Variants in LTBP1 observed in about 807,000 individuals in gnomAD.
LTBP1 encodes latent transforming growth factor beta binding protein 1, also known as latent-transforming growth factor beta-binding protein 1.
Under a neutral mutation model 207.6 loss-of-function variants are expected in LTBP1, and 129 were observed. That is an observed-to-expected ratio of 0.62 (90% confidence interval 0.54 to 0.72). LTBP1 has a LOEUF of 0.72. Ranked by LOEUF, LTBP1 falls within the 30% of genes least tolerant of loss-of-function variation. The pLI is 0.00. For missense variants in LTBP1, 2,281 were observed against 2,217.2 expected (o/e 1.03, Z -0.58); for synonymous variants, 963 against 833.7 (o/e 1.16, Z -2.67).
At position 33,271,950 on chromosome 2, in the gene LTBP1, A is replaced by G. The variant is rs17012719; in HGVS notation, c.2618-1706A>G. 7.2e-3 allele frequency among the ~76,000 whole-genome samples: 1,093 copies of G among 152,296 alleles called. 9 individuals carry two copies. Among genetic ancestry groups the G allele is most frequent in the African/African-American group, 0.023 (967 of 41,562 alleles). On this transcript the variant is annotated intron_variant, in intron 15 of 33. Coordinates refer to ENST00000404816, the MANE Select transcript of LTBP1 (RefSeq NM_206943.4). The stretch of plus-strand genomic sequence containing the variant: ...TTTCCTATAATTTGATAATATTTTC[A>G]CTATAAACAAATGTATCTTCCTGAA...
intron 2 of LTBP1, among the ~76,000 whole-genome samples, chr2:33,010,322 A>G (rs895119870): frequency 6.6e-6 from 1 of 152,240 alleles, no homozygotes; most frequent in South Asian, 2.1e-4. Context: ...AGCATTATCC[A>G]GTGTCATTAA....
chr2:33,165,233 G>GA lies in LTBP1; in HGVS notation c.1202-21622dup, dbSNP rs1327464633. ...ATTGGAGGGATTATGAAAAGAGGGA[G>GA]AGGGACTATTGAGAAGGCTCTGCTG... On this transcript the variant is annotated intron_variant, in intron 5 of 33. Transcript: ENST00000404816. 3.3e-5 allele frequency among the ~76,000 whole-genome samples: 5 copies of GA among 152,182 alleles called. No homozygotes were observed. In the East Asian group the frequency reaches 9.6e-4, roughly 29 times the overall value.
At chr2:33,243,123 CA>C (rs2092392710) in intron 9 of LTBP1, among the ~76,000 whole-genome samples, 1 of 152,194 alleles carries the variant, frequency 6.6e-6, no homozygotes, top group African/African-American at 2.4e-5. Flanking sequence ...CAGACATCAG[CA>C]CTCTAAAGCC....
chr2:33,334,914 A>T (rs6761793), intron 24 of LTBP1, among the ~76,000 whole-genome samples: 12,332 of 112,664 alleles, frequency 0.11, 657 homozygotes, highest in African/African-American at 0.3. Flanking sequence ...ACTAAAAATT[A>T]AAAAAAAAAA....
intron 3 of LTBP1, among the ~76,000 whole-genome samples, chr2:33,022,265 CTTTT>C (rs3047211): frequency 8.0e-6 from 1 of 125,236 alleles, no homozygotes; most frequent in Non-Finnish European, 1.6e-5. Flanking sequence ...CCTCAATCCT[CTTTT>C]TTTTTTTTTT....
At chr2:33,365,596 GCC>G (rs1404389172) in intron 31 of LTBP1, 93 bp downstream of exon 31, 2 of 1,251,474 alleles carry the variant, frequency 1.6e-6, no homozygotes, top group Non-Finnish European at 2.2e-6. Context: ...CTGTATCTTT[GCC>G]TTCACTCCTG....
chr2:33,219,907 G>A (rs971268434), intron 8 of LTBP1, among the ~76,000 whole-genome samples: 2 of 151,052 alleles, frequency 1.3e-5, no homozygotes, highest in Admixed American at 1.3e-4. Flanking sequence ...TGTCGTTTTT[G>A]TCTAGAATTG....
intron 22 of LTBP1, among the ~76,000 whole-genome samples, chr2:33,304,905 A>G (rs1237809562): frequency 1.3e-5 from 2 of 152,236 alleles, no homozygotes; most frequent in Non-Finnish European, 2.9e-5. Context: ...TATTTGTTCA[A>G]ATATTTATTT....
At chr2:33,294,511 A>T (rs1284261189) in intron 20 of LTBP1, among the ~76,000 whole-genome samples, 1 of 151,400 alleles carries the variant, frequency 6.6e-6, no homozygotes, top group African/African-American at 2.4e-5. Context: ...CTCTTTTAAA[A>T]ATAAACTTTT....
At chr2:33,109,837 G>A (rs552909314) in intron 3 of LTBP1, among the ~76,000 whole-genome samples, 2 of 152,228 alleles carry the variant, frequency 1.3e-5, no homozygotes, top group Middle Eastern at 3.4e-3. Flanking sequence ...GCTCAGTGTC[G>A]CAGAGATTCT....
intron 31 of LTBP1, among the ~76,000 whole-genome samples, chr2:33,370,774 C>T (rs2095058659): frequency 6.6e-6 from 1 of 152,170 alleles, no homozygotes; most frequent in Admixed American, 6.5e-5. Context: ...TCCCATTTTC[C>T]TTAGGAGTGC....
At chr2:33,185,026 G>C (rs1275183978) in intron 5 of LTBP1, among the ~76,000 whole-genome samples, 4 of 152,170 alleles carry the variant, frequency 2.6e-5, no homozygotes, top group African/African-American at 9.7e-5. Flanking sequence ...GTGAGGTTCA[G>C]GCAGAGTCTG....
chr2:33,138,638 G>C (rs989924090), intron 5 of LTBP1, among the ~76,000 whole-genome samples: 7 of 152,042 alleles, frequency 4.6e-5, no homozygotes, highest in Non-Finnish European at 1.0e-4. Context: ...AAGTTCCTCT[G>C]ACAAGAAGAA....
intron 2 of LTBP1, among the ~76,000 whole-genome samples, chr2:32,991,663 A>G (rs1390742580): frequency 6.6e-6 from 1 of 152,198 alleles, no homozygotes; most frequent in Non-Finnish European, 1.5e-5. Context: ...CATGCTAGCC[A>G]TCTTCAGTGG....
intron 2 of LTBP1, among the ~76,000 whole-genome samples, chr2:32,970,070 A>T (rs1229713314): frequency 1.1e-4 from 17 of 152,102 alleles, no homozygotes; most frequent in Admixed American, 1.1e-3. Context: ...ATCTTCTTTT[A>T]AAAAAATGTC....
intron 26 of LTBP1, among the ~76,000 whole-genome samples, chr2:33,354,008 C>T (rs549884397): frequency 7.2e-5 from 11 of 152,050 alleles, no homozygotes; most frequent in South Asian, 4.2e-4. Flanking sequence ...TACAGGCTCC[C>T]GCCACCATGC....
intron 19 of LTBP1, among the ~76,000 whole-genome samples, chr2:33,290,828 G>A (rs2093759748): frequency 6.6e-6 from 1 of 152,118 alleles, no homozygotes; most frequent in South Asian, 2.1e-4. Context: ...GGTACCTGGG[G>A]GACATCAAGG....
intron 9 of LTBP1, among the ~76,000 whole-genome samples, chr2:33,242,609 A>G (rs1252406457): frequency 6.6e-6 from 1 of 150,724 alleles, no homozygotes; most frequent in Non-Finnish European, 1.5e-5. Context: ...GGAGCCTCCC[A>G]GACATCCTTG....
At chr2:32,948,547 T>G (rs749735847) in intron 1 of LTBP1, among the ~76,000 whole-genome samples, 5 of 152,224 alleles carry the variant, frequency 3.3e-5, no homozygotes, top group Non-Finnish European at 7.3e-5. Context: ...CAATTTAAAA[T>G]GTTGGCCCAG....
Sources: allele counts gnomAD v4.1 joint callset (sites outside exome capture counted in the v4.1 genomes callset), GRCh38; gene constraint gnomAD v4.1.1; transcripts MANE v1.5; gene names NCBI Gene and HGNC (gene_info 2026-07-23, HGNC 2026-07-21).